Variants in CAPN6 observed in about 807,000 individuals in gnomAD.
The protein encoded by CAPN6 is calpain 6.
In CAPN6, 16 loss-of-function variants were observed where a neutral mutation model predicts 46.0. That is an observed-to-expected ratio of 0.35 (90% confidence interval 0.24 to 0.53). The LOEUF is 0.53. Ranked by LOEUF, CAPN6 falls within the 20% of genes least tolerant of loss-of-function variation. The pLI is 0.94. For synonymous variants in CAPN6, 206 were observed against 172.8 expected (o/e 1.19, Z -1.51); for missense variants, 461 against 498.0 (o/e 0.93, Z 0.71).
intron 8 of CAPN6, among the ~76,000 whole-genome samples, chrX:111,249,369 G>GTTATTA (rs1251678156): frequency 2.7e-5 from 3 of 110,408 alleles, no homozygotes; most frequent in African/African-American, 9.9e-5. Context: ...TATTATTATT[G>GTTATTA]TTATTATTAT....
Position 111,270,287 on chromosome X carries a change from T to C in CAPN6, c.-16+84A>G, listed in dbSNP as rs182922614. 852 of 243,906 alleles carry C rather than the reference T, an allele frequency of 3.5e-3. 37 individuals are homozygous for C. Among genetic ancestry groups the C allele is most frequent in the African/African-American group, 0.019 (751 of 39,062 alleles). The allele number at this position is 243,906 out of a possible 1,213,427, so 20.1% of individuals were successfully genotyped here. On this transcript the variant is annotated intron_variant, in intron 1 of 12. Transcript: ENST00000324068. ...TGTGGAGTTTGGTTAACTACAAAGT[T>C]GAAGTTTCTTCATCTTTCTTAGACG...
At chrX:111,247,058 C>A (rs1005278918) in intron 12 of CAPN6, among the ~76,000 whole-genome samples, 1 of 111,369 alleles carries the variant, frequency 9.0e-6, no homozygotes, top group African/African-American at 3.3e-5. Context: ...CCTGACCTAG[C>A]CATGTGAGGG....
Position 111,248,771 on chromosome X carries a change from C to T in CAPN6, c.1282G>A (p.Val428Met). 1 of 1,207,945 alleles carries T rather than the reference C, an allele frequency of 8.3e-7. No individual in the cohort carries two copies. Among genetic ancestry groups the T allele is most frequent in the Non-Finnish European group, 1.1e-6 (1 of 892,271 alleles). ...AGGCGGAATTTGCGGTTCATCTCCA[C>T]CTGGAAATGAAATAGGGTAAAATAT... Reference protein sequence around the residue: ...NYIIGFELFKVEMNRKFRLHH... With the variant: ...NYIIGFELFKMEMNRKFRLHH... Residue 428 changes from valine (V) to methionine (M), a missense_variant and splice_region_variant, in exon 10 of 13, where the codon GTG becomes ATG. By Grantham distance (21) the Val-to-Met change is conservative. Coordinates refer to ENST00000324068, the MANE Select transcript of CAPN6 (RefSeq NM_014289.4).
At chrX:111,266,595 A>G (rs1470199365) in intron 1 of CAPN6, among the ~76,000 whole-genome samples, 1 of 112,578 alleles carries the variant, frequency 8.9e-6, no homozygotes, top group African/African-American at 3.2e-5. Flanking sequence ...TGCATTTTAC[A>G]TTTTAGTTCG....
At chrX:111,268,687 C>T (rs1425287055) in intron 1 of CAPN6, among the ~76,000 whole-genome samples, 1 of 112,795 alleles carries the variant, frequency 8.9e-6, no homozygotes, top group Non-Finnish European at 1.9e-5. Flanking sequence ...GCTGACTTGC[C>T]CTTTTGGCCG....
chrX:111,268,087 T>C (rs2094993289), intron 1 of CAPN6, among the ~76,000 whole-genome samples: 1 of 111,840 alleles, frequency 8.9e-6, no homozygotes, highest in South Asian at 3.9e-4. Context: ...TGTATGGCTG[T>C]TCAGATTCAA....
intron 4 of CAPN6, among the ~76,000 whole-genome samples, 198 bp from the exon 5 acceptor site, chrX:111,252,697 A>C (rs2094980672): frequency 1.8e-5 from 2 of 112,264 alleles, no homozygotes; most frequent in Non-Finnish European, 3.8e-5. Flanking sequence ...TCTATGCAGA[A>C]ACTTCTTTCT....
chrX:111,247,278 T>C, intron 12 of CAPN6, 90 bp downstream of exon 12: 1 of 815,717 alleles, frequency 1.2e-6, no homozygotes. Flanking sequence ...ATTCTTGCTC[T>C]GCATCCTAAA....
Position 111,254,422 on chromosome X carries a change from G to T in CAPN6, c.166-19C>A, listed in dbSNP as rs752333069. On this transcript the variant is annotated intron_variant, in intron 2 of 12. Transcript: ENST00000324068. ...AGATGTCCTATGAATACAATAATTGGTTATATGAGAGTCTGGGAAGAGTTT... is the reference window on the plus strand; with the variant it reads ...AGATGTCCTATGAATACAATAATTGTTTATATGAGAGTCTGGGAAGAGTTT... 2.4e-5 allele frequency: 28 copies of T among 1,160,316 alleles called. No individual in the cohort carries two copies. In the East Asian group the frequency reaches 8.1e-4, roughly 33 times the overall value.
chrX:111,257,778 G>A (rs923996198), intron 2 of CAPN6, among the ~76,000 whole-genome samples: 8 of 111,625 alleles, frequency 7.2e-5, no homozygotes, highest in African/African-American at 2.6e-4. Context: ...GGTTGGAGGA[G>A]AGGTCACAGC....
Position 111,252,364 on chromosome X carries a change from T to C in CAPN6, c.642A>G (p.Leu214=). The change falls in exon 5 of 13, where the codon CTA becomes CTG. Residue 214 remains leucine, a synonymous_variant. Transcript: ENST00000324068. ...TAAATGTTTTGTACAGTTCTCCGAA[T>C]AGCTTGTACTTCTCCTCAACAAGCT... ...YTELVEEKYK[L]FGELYKTFTK... The C allele has an allele frequency of 8.3e-7, 1 of 1,209,413 alleles. No individual in the cohort carries two copies. The highest frequency in any genetic ancestry group is 1.1e-6 in the Non-Finnish European group (1 of 893,937).
Position 111,250,932 on chromosome X carries a change from G to A in CAPN6, c.1143C>T (p.Phe381=). ...TGACTCAAACCTGGGGATTCTGCAG[G>A]AAGGTATCACGGTTGTTATAGCAGC... ...SGGCYNNRDT[F]LQNPQYIFTV... is the part of the protein sequence containing the mutation. The change falls in exon 8 of 13, where the codon TTC becomes TTT. Residue 381 remains phenylalanine (F), a synonymous_variant. Coordinates refer to ENST00000324068, the MANE Select transcript of CAPN6 (RefSeq NM_014289.4). 8.3e-7 allele frequency: 1 copy of A among 1,209,961 alleles called. No individual in the cohort carries two copies. Among genetic ancestry groups the A allele is most frequent in the Non-Finnish European group, 1.1e-6 (1 of 894,465 alleles).
chrX:111,269,258 T>TCA lies in CAPN6; in HGVS notation c.-16+1111_-16+1112dup, dbSNP rs1187613600. Among the ~76,000 whole-genome samples the TCA allele has an allele frequency of 7.2e-5, 8 of 111,787 alleles. No homozygotes were observed. In the South Asian group the frequency reaches 2.6e-3, roughly 37 times the overall value. ...AGAACGCTATTTGAATACAAAGTAT[T>TCA]CACACACACCCAGGCACACACGTGC... is the stretch of plus-strand genomic sequence containing the variant. On this transcript the variant is annotated intron_variant, in intron 1 of 12. Coordinates refer to ENST00000324068, the MANE Select transcript of CAPN6 (RefSeq NM_014289.4).
chrX:111,248,043 T>C (rs1333805215), intron 10 of CAPN6, 51 bp from the exon 11 acceptor site: 6 of 1,135,006 alleles, frequency 5.3e-6, no homozygotes, highest in Non-Finnish European at 6.0e-6. Flanking sequence ...TATCCTTTGA[T>C]GAAATAAGCC....
rs770534374 is a variant in CAPN6, at chrX:111,247,936, G to A, written c.1541C>T (p.Pro514Leu). Reference sequence around the variant, plus strand: ...AACAGTGATCTGAGTAACTACTTTCGGGTAGCCACGAGCCAGGTTCCAGCA... The same window carrying A: ...AACAGTGATCTGAGTAACTACTTTCAGGTAGCCACGAGCCAGGTTCCAGCA... Reference protein sequence around the residue: ...MSCWNLARGYPKVVTQITVHS... With the variant: ...MSCWNLARGYLKVVTQITVHS... Residue 514 changes from proline (P) to leucine (L), a missense_variant, in exon 11 of 13, where the codon CCG (proline) becomes CTG (leucine). Physicochemically the swap from Pro to Leu is moderately conservative, Grantham distance 98 (BLOSUM62 -3). Coordinates refer to ENST00000324068, the MANE Select transcript of CAPN6 (RefSeq NM_014289.4). 2.5e-6 allele frequency: 3 copies of A among 1,209,230 alleles called. No individual in the cohort carries two copies. The highest frequency in any genetic ancestry group is 2.2e-5 in the Admixed American group (1 of 45,988).
chrX:111,252,166 G>T, intron 5 of CAPN6, 141 bp downstream of exon 5: 1 of 472,068 alleles, frequency 2.1e-6, no homozygotes, highest in Non-Finnish European at 3.5e-6. Flanking sequence ...CCACACCAGG[G>T]CAAAATGTGT....
At chrX:111,261,305 T>C (rs2094987769) in intron 2 of CAPN6, among the ~76,000 whole-genome samples, 1 of 112,796 alleles carries the variant, frequency 8.9e-6, no homozygotes, top group Non-Finnish European at 1.9e-5. Flanking sequence ...CAGTTTCTTT[T>C]TATATAAAGA....
chrX:111,252,746 T>C (rs1172990631), intron 4 of CAPN6, among the ~76,000 whole-genome samples: 1 of 111,833 alleles, frequency 8.9e-6, no homozygotes, highest in Non-Finnish European at 1.9e-5. Flanking sequence ...GAAGTGATAG[T>C]GCCATGTGAT....
At chrX:111,265,224 A>G (rs1451543496) in intron 1 of CAPN6, among the ~76,000 whole-genome samples, 11 of 112,583 alleles carry the variant, frequency 9.8e-5, no homozygotes, top group Non-Finnish European at 1.3e-4. Flanking sequence ...TCCTTTCAGT[A>G]TCACATTGAA....
Sources: gnomAD v4.1 joint callset for allele counts (sites outside exome capture counted in the v4.1 genomes callset) on GRCh38, gnomAD v4.1.1 for gene constraint, MANE v1.5 for transcripts, NCBI Gene and HGNC (gene_info 2026-07-23, HGNC 2026-07-21) for gene names.